The following FGD4 variants were observed in gnomAD, a reference collection of about 807,000 sequenced individuals.
FGD4 encodes FYVE, RhoGEF and PH domain containing 4, also known as FYVE, RhoGEF and PH domain-containing protein 4.
In FGD4, 42 loss-of-function variants were observed where a neutral mutation model predicts 102.0. That is an observed-to-expected ratio of 0.41 (90% confidence interval 0.32 to 0.53). The LOEUF (loss-of-function observed/expected upper bound fraction) is 0.53. FGD4 is among the 20% of genes least tolerant of loss of function. FGD4 has a pLI of 0.21. For synonymous variants in FGD4, 380 were observed against 375.7 expected, an observed-to-expected ratio of 1.01 and a Z score of -0.13; for missense variants, 902 against 1,078.2, an observed-to-expected ratio of 0.84 and a Z score of 2.29.
At chr12:32,413,343 C>T (rs1392990009) in intron 1 of FGD4, among the ~76,000 whole-genome samples, 1 of 152,092 alleles carries the variant, frequency 6.6e-6, no homozygotes, top group Non-Finnish European at 1.5e-5. Flanking sequence ...TCTTCGTTTA[C>T]TCTGCAGAAA....
intron 8 of FGD4, 106 bp from the exon 9 acceptor site, chr12:32,610,670 G>A (rs1949081676): frequency 3.1e-6 from 3 of 974,970 alleles, no homozygotes. Context: ...CACTATTTTT[G>A]TTGTATCTTT....
chr12:32,570,677 G>C (rs761718626), intron 2 of FGD4, among the ~76,000 whole-genome samples: 2 of 152,120 alleles, frequency 1.3e-5, no homozygotes, highest in African/African-American at 4.8e-5. Flanking sequence ...CTGACCTCAG[G>C]TGAGCCACCT....
chr12:32,509,513 G>T (rs1939146030), intron 1 of FGD4, among the ~76,000 whole-genome samples: 1 of 152,224 alleles, frequency 6.6e-6, no homozygotes, highest in South Asian at 2.1e-4. Flanking sequence ...AAATATTCAT[G>T]CTTATATCAG....
chr12:32,421,506 A>C (rs546451531), intron 1 of FGD4, among the ~76,000 whole-genome samples: 106 of 152,278 alleles, frequency 7.0e-4, no homozygotes, highest in Non-Finnish European at 1.2e-3. Context: ...GAAAGCCCCC[A>C]GAATGCTTTG....
rs553715268 is a variant in FGD4 at position 32,486,836 on chromosome 12, CA to C, written c.167-77300del. On this transcript the variant is annotated intron_variant, in intron 1 of 16. Coordinates refer to ENST00000534526, the MANE Select transcript of FGD4 (RefSeq NM_001370298.3). Reference sequence around the variant, plus strand: ...AGGTTGATGTTTTTGTTCAGAGAAACATTTTAAATTTTAAACCAATATTTTT... The same window carrying C: ...AGGTTGATGTTTTTGTTCAGAGAAACTTTTAAATTTTAAACCAATATTTTT... Among the ~76,000 whole-genome samples the C allele has an allele frequency of 1.5e-4, 23 of 152,130 alleles. No individual in the cohort carries two copies. In the East Asian group the frequency reaches 3.5e-3, roughly 23 times the overall value.
At chr12:32,456,057 T>G (rs1311558133) in intron 1 of FGD4, among the ~76,000 whole-genome samples, 1 of 152,196 alleles carries the variant, frequency 6.6e-6, no homozygotes, top group Non-Finnish European at 1.5e-5. Context: ...CTGCAAGCAT[T>G]ACTGTCATTA....
At chr12:32,534,417 A>G in intron 1 of FGD4, 1 of 1,518,316 alleles carries the variant, frequency 6.6e-7, no homozygotes, top group Non-Finnish European at 8.8e-7. Context: ...CATGAACTTT[A>G]AAAGAGTAAA....
At chr12:32,601,478 A>G (rs1592365565) in intron 6 of FGD4, 55 bp downstream of exon 6, 4 of 1,559,014 alleles carry the variant, frequency 2.6e-6, no homozygotes, top group East Asian at 4.5e-5. Flanking sequence ...TGTATTTTTC[A>G]GCTTTTAAAT....
chr12:32,598,315 CTGCT>C (rs1948075237), intron 4 of FGD4, among the ~76,000 whole-genome samples, 178 bp from the exon 5 acceptor site: 1 of 152,188 alleles, frequency 6.6e-6, no homozygotes, highest in Non-Finnish European at 1.5e-5. Context: ...TTAAATCCAG[CTGCT>C]TGCTAATTTC....
intron 10 of FGD4, among the ~76,000 whole-genome samples, chr12:32,616,828 T>G (rs535144023): frequency 9.8e-5 from 15 of 152,364 alleles, no homozygotes; most frequent in African/African-American, 3.4e-4. Context: ...CCATTTCATG[T>G]TGCTATCACA....
At chr12:32,563,464 C>T (rs1279475476) in intron 1 of FGD4, among the ~76,000 whole-genome samples, 1 of 150,986 alleles carries the variant, frequency 6.6e-6, no homozygotes, top group Non-Finnish European at 1.5e-5. Flanking sequence ...AGAGGCACTC[C>T]TCACTTCCTA....
At chr12:32,580,671 A>C (rs541661306) in intron 3 of FGD4, among the ~76,000 whole-genome samples, 15 of 152,214 alleles carry the variant, frequency 9.9e-5, no homozygotes, top group Middle Eastern at 3.4e-3. Flanking sequence ...GCAGATCACG[A>C]GGTCAGGAGA....
chr12:32,497,808 T>G (rs1436931165), intron 1 of FGD4, among the ~76,000 whole-genome samples: 1 of 152,224 alleles, frequency 6.6e-6, no homozygotes, highest in Non-Finnish European at 1.5e-5. Context: ...CTTTCAGTCA[T>G]GCCACACGTA....
intron 10 of FGD4, among the ~76,000 whole-genome samples, chr12:32,615,544 A>G (rs147983874): frequency 6.6e-6 from 1 of 152,328 alleles, no homozygotes; most frequent in African/African-American, 2.4e-5. Context: ...CGGGTAATAT[A>G]GATAGCTAAA....
intron 1 of FGD4, among the ~76,000 whole-genome samples, chr12:32,410,718 A>G (rs1337726868): frequency 6.6e-6 from 1 of 152,058 alleles, no homozygotes; most frequent in Non-Finnish European, 1.5e-5. Context: ...GTCAGCCTTC[A>G]TCAACTGCAG....
intron 1 of FGD4, among the ~76,000 whole-genome samples, chr12:32,493,885 T>G (rs1937624461): frequency 6.6e-6 from 1 of 152,008 alleles, no homozygotes. Flanking sequence ...TTCGATAGGG[T>G]GGTGGGGAAG....
intron 1 of FGD4, among the ~76,000 whole-genome samples, chr12:32,535,905 C>CAGCA (rs1200374525): frequency 6.6e-6 from 1 of 152,286 alleles, no homozygotes; most frequent in East Asian, 1.9e-4. Flanking sequence ...CTTTAATGGA[C>CAGCA]AGCACCCTTT....
At chr12:32,427,619 T>G (rs1300289074) in intron 1 of FGD4, among the ~76,000 whole-genome samples, 1 of 152,180 alleles carries the variant, frequency 6.6e-6, no homozygotes, top group Non-Finnish European at 1.5e-5. Context: ...CTGAATATCC[T>G]TGTTAATTTT....
chr12:32,612,212 G>C lies in FGD4; in HGVS notation c.1749+929G>C, dbSNP rs544392348. On this transcript the variant is annotated intron_variant, in intron 10 of 16. Coordinates refer to ENST00000534526, the MANE Select transcript of FGD4 (RefSeq NM_001370298.3). ...AGCCACTTGCAGTACGCTTGCTCCA[G>C]CCACAGCTTTGCAGGGAGCCGGTGC... is the stretch of plus-strand genomic sequence containing the variant. Among the ~76,000 whole-genome samples, 6 of 152,332 alleles carry C rather than the reference G, an allele frequency of 3.9e-5. No homozygotes were observed. The East Asian group carries it at 1.2e-3, about 29-fold the overall frequency.
Sources: allele counts gnomAD v4.1 joint callset (sites outside exome capture counted in the v4.1 genomes callset), GRCh38; gene constraint gnomAD v4.1.1; transcripts MANE v1.5; gene names NCBI Gene and HGNC (gene_info 2026-07-23, HGNC 2026-07-21).